Variants in IRAK2 observed in about 807,000 individuals in gnomAD.
IRAK2 encodes interleukin 1 receptor associated kinase 2, also known as interleukin-1 receptor-associated kinase-like 2.
Under a neutral mutation model 72.0 loss-of-function variants are expected in IRAK2, and 57 were observed. The observed-to-expected ratio is 0.79, with a 90% CI of 0.64 to 0.99. IRAK2 has a LOEUF of 0.99. Ranked by LOEUF, IRAK2 falls within the 50% of genes least tolerant of loss-of-function variation. The probability of loss-of-function intolerance (pLI) is 0.00; values close to 1 mark genes in which losing one functional copy is unlikely to be tolerated. For synonymous variants in IRAK2, 293 were observed against 312.7 expected (o/e 0.94, Z 0.67); for missense variants, 790 against 794.4 (o/e 0.99, Z 0.07).
intron 2 of IRAK2, among the ~76,000 whole-genome samples, chr3:10,190,279 CTTT>C (rs555169553): frequency 8.7e-6 from 1 of 114,778 alleles, no homozygotes; most frequent in Non-Finnish European, 1.8e-5. Flanking sequence ...TTCTTTGTTT[CTTT>C]TTTTTTTTTT....
rs193248380 is a variant in IRAK2 at position 10,191,263 on chromosome 3, C to G, written c.278-9106C>G. On this transcript the variant is annotated intron_variant, in intron 2 of 12. Transcript: ENST00000256458. The stretch of plus-strand genomic sequence containing the variant: ...TGAGCCGAGATCGCGCCACTGCACT[C>G]CAGCCTGGGCAACAGAGCGAGAATC... Among the ~76,000 whole-genome samples, 412 of 151,362 alleles carry G rather than the reference C, an allele frequency of 2.7e-3. 1 individual carries two copies. Among genetic ancestry groups the G allele is most frequent in the Non-Finnish European group, 4.5e-3 (303 of 67,888 alleles).
intron 8 of IRAK2, among the ~76,000 whole-genome samples, chr3:10,221,128 C>G (rs1432520893): frequency 1.3e-5 from 2 of 151,106 alleles, no homozygotes; most frequent in African/African-American, 4.9e-5. Flanking sequence ...CGCGGTGGCT[C>G]ACGCCTGTAA....
chr3:10,188,482 C>T (rs1318383149), intron 2 of IRAK2, among the ~76,000 whole-genome samples: 7 of 151,916 alleles, frequency 4.6e-5, no homozygotes, highest in Admixed American at 1.3e-4. Context: ...TACAGGCATG[C>T]ACTACCACGC....
At chr3:10,194,911 G>A (rs1328847461) in intron 2 of IRAK2, among the ~76,000 whole-genome samples, 1 of 152,182 alleles carries the variant, frequency 6.6e-6, no homozygotes, top group African/African-American at 2.4e-5. Context: ...CGTGGCTGGT[G>A]TGACCTGGTG....
chr3:10,177,954 G>A lies in IRAK2; in HGVS notation c.211G>A (p.Val71Ile), dbSNP rs144728601. The change falls in exon 2 of 13, where the codon GTC becomes ATC. Residue 71 changes from valine to isoleucine, a missense_variant. Coordinates refer to ENST00000256458, the MANE Select transcript of IRAK2 (RefSeq NM_001570.4). ...GTGGTGGGGCATGCGGCAGGCCACC[G>A]TCCAGCAACTTGTGGACCTCCTGTG... ...LWWWGMRQAT[V>I]QQLVDLLCRL... is the part of the protein sequence containing the mutation. The A allele has an allele frequency of 1.5e-4, 241 of 1,613,714 alleles. No homozygotes were observed. In the African/African-American group the frequency reaches 2.8e-3, roughly 19 times the overall value.
Position 10,178,028 on chromosome 3 carries a change from A to G in IRAK2, c.277+8A>G. 6.3e-7 allele frequency: 1 copy of G among 1,593,904 alleles called. No homozygotes were observed. Among genetic ancestry groups the G allele is most frequent in the Non-Finnish European group, 8.6e-7 (1 of 1,168,520 alleles). On this transcript the variant is annotated splice_region_variant and intron_variant, in intron 2 of 12. Transcript: ENST00000256458. ...CCCAGATCATCCTGAACTGTGAGTAACTCAGGGCCCTCCTTGAGTGGGGCC... is the reference window on the plus strand; with the variant it reads ...CCCAGATCATCCTGAACTGTGAGTAGCTCAGGGCCCTCCTTGAGTGGGGCC...
intron 11 of IRAK2, among the ~76,000 whole-genome samples, chr3:10,235,992 T>G (rs1697951383): frequency 6.6e-6 from 1 of 152,224 alleles, no homozygotes; most frequent in Admixed American, 6.5e-5. Context: ...GGGACACATC[T>G]GTTCGGGAAC....
At position 10,176,471 on chromosome 3, in the gene IRAK2, G is replaced by GTTTA. The variant is rs1211684044; in HGVS notation, c.95-1347_95-1344dup. 2.4e-4 allele frequency among the ~76,000 whole-genome samples: 36 copies of GTTTA among 151,116 alleles called. 1 individual carries two copies. Among genetic ancestry groups the GTTTA allele is most frequent in the Admixed American group, 1.1e-3 (17 of 15,102 alleles). On this transcript the variant is annotated intron_variant, in intron 1 of 12. Transcript: ENST00000256458. ...GCATGCCACCATGCCTGGCTACTTTGTTTATTTATTTATTTATTTATTTTG... is the reference window on the plus strand; with the variant it reads ...GCATGCCACCATGCCTGGCTACTTTGTTTATTTATTTATTTATTTATTTATTTTG...
At chr3:10,174,647 T>C (rs1438496083) in intron 1 of IRAK2, among the ~76,000 whole-genome samples, 1 of 151,814 alleles carries the variant, frequency 6.6e-6, no homozygotes, top group African/African-American at 2.4e-5. Flanking sequence ...GCCTCAGCCT[T>C]CCACGTAGCT....
chr3:10,177,266 T>C (rs1198824444), intron 1 of IRAK2, among the ~76,000 whole-genome samples: 1 of 152,174 alleles, frequency 6.6e-6, no homozygotes, highest in African/African-American at 2.4e-5. Flanking sequence ...TGACCAGGAC[T>C]GGGACTTAGC....
chr3:10,234,942 GC>G (rs931587479), intron 11 of IRAK2, among the ~76,000 whole-genome samples: 5 of 152,314 alleles, frequency 3.3e-5, no homozygotes, highest in African/African-American at 1.2e-4. Flanking sequence ...TTCTCTATAG[GC>G]CCCTTCCCCT....
chr3:10,176,723 C>T (rs1390481932), intron 1 of IRAK2, among the ~76,000 whole-genome samples: 21 of 150,814 alleles, frequency 1.4e-4, no homozygotes, highest in African/African-American at 3.9e-4. Context: ...GCGATCTGCC[C>T]GCCTTGGCCT....
chr3:10,239,895 C>T (rs139516956), intron 12 of IRAK2, among the ~76,000 whole-genome samples: 12 of 152,180 alleles, frequency 7.9e-5, no homozygotes, highest in African/African-American at 2.4e-4. Flanking sequence ...GCCTGTAATC[C>T]CAGCACTTCC....
intron 10 of IRAK2, among the ~76,000 whole-genome samples, chr3:10,227,117 A>G (rs1164422940): frequency 6.6e-6 from 1 of 152,162 alleles, no homozygotes; most frequent in African/African-American, 2.4e-5. Flanking sequence ...TCCATTTTGT[A>G]GGCCAAAGAT....
intron 4 of IRAK2, among the ~76,000 whole-genome samples, chr3:10,211,867 G>A (rs1442555732): frequency 6.6e-6 from 1 of 152,070 alleles, no homozygotes; most frequent in Non-Finnish European, 1.5e-5. Context: ...CACGAGGTCA[G>A]GAGATGGAGA....
chr3:10,192,034 G>GTC lies in IRAK2; in HGVS notation c.278-8334_278-8333insCT, dbSNP rs1697183378. On this transcript the variant is annotated intron_variant, in intron 2 of 12. Transcript: ENST00000256458. ...TAGCTTGAGTTGGGAGTGTGTGTGT[G>GTC]TGTGTGTGTGTGTGTGTGTGTGTGT... 4.6e-5 allele frequency among the ~76,000 whole-genome samples: 7 copies of GTC among 151,268 alleles called. No individual in the cohort carries two copies. In the South Asian group the frequency reaches 1.5e-3, roughly 32 times the overall value.
At chr3:10,231,790 C>G (rs116042115) in intron 10 of IRAK2, among the ~76,000 whole-genome samples, 10,380 of 152,162 alleles carry the variant, frequency 0.068, 533 homozygotes, top group East Asian at 0.21. Flanking sequence ...GCTGACATTA[C>G]AGGTGTGAAC....
intron 7 of IRAK2, among the ~76,000 whole-genome samples, chr3:10,217,250 A>C (rs1474583943): frequency 6.6e-6 from 1 of 152,240 alleles, no homozygotes; most frequent in Non-Finnish European, 1.5e-5. Flanking sequence ...AATTGGAACG[A>C]TACAGAGAAG....
intron 11 of IRAK2, among the ~76,000 whole-genome samples, chr3:10,235,635 C>T (rs1192488498): frequency 2.6e-5 from 4 of 152,134 alleles, no homozygotes; most frequent in East Asian, 1.9e-4. Context: ...ACCTGTGACT[C>T]GGACCAGACA....
Sources: allele counts gnomAD v4.1 joint callset (sites outside exome capture counted in the v4.1 genomes callset), GRCh38; gene constraint gnomAD v4.1.1; transcripts MANE v1.5; gene names NCBI Gene and HGNC (gene_info 2026-07-23, HGNC 2026-07-21).